CCDC124: variants seen among roughly 807,000 people sequenced by gnomAD.
CCDC124 encodes the protein coiled-coil domain containing 124.
A neutral mutation model predicts 19.8 loss-of-function variants in CCDC124; 9 were observed. The observed-to-expected ratio is 0.45, with a 90% CI of 0.27 to 0.79. CCDC124 has a LOEUF of 0.79. Among genes scored for constraint, CCDC124 ranks in the 30% least tolerant of loss-of-function variants. CCDC124 has a pLI of 0.14. For missense variants in CCDC124, 285 were observed against 319.0 expected, an observed-to-expected ratio of 0.89 and a Z score of 0.81; for synonymous variants, 126 against 131.3, an observed-to-expected ratio of 0.96 and a Z score of 0.27.
chr19:17,943,789 G>A lies in CCDC124; in HGVS notation c.*74G>A. On this transcript the variant is annotated 3_prime_UTR_variant, in exon 5 of 5. Transcript: ENST00000445755. ...CTCTGCACGCCCTTAGGCCAGGTCAGCTGCGAGGGTCACAGAGCGTTCCGG... is the reference window on the plus strand; with the variant it reads ...CTCTGCACGCCCTTAGGCCAGGTCAACTGCGAGGGTCACAGAGCGTTCCGG... 1 of 1,462,680 alleles carries A rather than the reference G, an allele frequency of 6.8e-7. No homozygotes were observed. The highest frequency in any genetic ancestry group is 1.2e-5 in the South Asian group (1 of 84,232). The allele number at this position is 1,462,680 out of a possible 1,614,324, so 90.6% of individuals were successfully genotyped here. A position where few individuals can be genotyped will look rare whatever the true frequency, so the allele number is the denominator to read the frequency against.
At chr19:17,934,058 T>C (rs950035897) in intron 1 of CCDC124, among the ~76,000 whole-genome samples, 1 of 149,020 alleles carries the variant, frequency 6.7e-6, no homozygotes, top group Non-Finnish European at 1.5e-5. Flanking sequence ...GCACTGTGGC[T>C]CACACCTGTA....
In CCDC124 at chr19:17,943,241, TCA is replaced by T; in HGVS notation, c.350-18_350-17del. 1 of 736,678 alleles carries T rather than the reference TCA, an allele frequency of 1.4e-6. No homozygotes were observed. Among genetic ancestry groups the T allele is most frequent in the Non-Finnish European group, 2.4e-6 (1 of 414,970 alleles). The allele number at this position is 736,678 out of a possible 1,614,324, so 45.6% of individuals were successfully genotyped here. A position where few individuals can be genotyped will look rare whatever the true frequency, so the allele number is the denominator to read the frequency against. ...CTTTGCTTATCTCTCTCTGTCTCTG[TCA>T]CCCACCCACCCGCCCAGCCGAGAAA... On this transcript the variant is annotated intron_variant, in intron 3 of 4. Transcript: ENST00000445755.
At chr19:17,933,633 C>T (rs1200996473) in intron 1 of CCDC124, among the ~76,000 whole-genome samples, 1 of 152,146 alleles carries the variant, frequency 6.6e-6, no homozygotes, top group Non-Finnish European at 1.5e-5. Context: ...CACACCTTCC[C>T]ATCTCCCTGG....
Position 17,942,796 on chromosome 19 carries a change from C to A in CCDC124, c.300C>A (p.Ile100=), listed in dbSNP as rs540312451. The change falls in exon 3 of 5, where the codon ATC becomes ATA. Residue 100 remains isoleucine, a synonymous_variant. Coordinates refer to ENST00000445755, the MANE Select transcript of CCDC124 (RefSeq NM_001136203.2). The surrounding 1 kb of genome is among the most constrained non-coding windows in gnomAD (Gnocchi z 4.2). ...CCAGCAAGGTCACCCGGGCCCAGAT[C>A]GAGGACACGCTGCGCCGAGACCATC... ...ATSSKVTRAQ[I]EDTLRRDHQL... is the part of the protein sequence containing the mutation. The A allele has an allele frequency of 1.3e-6, 2 of 1,543,242 alleles. No homozygotes were observed. The highest frequency in any genetic ancestry group is 1.7e-6 in the Non-Finnish European group (2 of 1,144,674).
Position 17,943,243 on chromosome 19 carries a change from A to ATT in CCDC124, c.350-18_350-17insTT. ...TTGCTTATCTCTCTCTGTCTCTGTCACCCACCCACCCGCCCAGCCGAGAAA... is the reference window on the plus strand; with the variant it reads ...TTGCTTATCTCTCTCTGTCTCTGTCATTCCCACCCACCCGCCCAGCCGAGAAA... On this transcript the variant is annotated splice_polypyrimidine_tract_variant and intron_variant, in intron 3 of 4. Transcript: ENST00000445755. 2 of 430,552 alleles carry ATT rather than the reference A, an allele frequency of 4.6e-6. No homozygotes were observed. The allele number at this position is 430,552 out of a possible 1,614,324, so 26.7% of individuals were successfully genotyped here.
intron 2 of CCDC124, among the ~76,000 whole-genome samples, chr19:17,941,899 G>A (rs1461061719): frequency 6.6e-6 from 1 of 152,176 alleles, no homozygotes; most frequent in African/African-American, 2.4e-5. Context: ...AGGCAGGGGT[G>A]TCCGAGACCA....
Position 17,936,504 on chromosome 19 carries a change from CAAGA to C in CCDC124, c.86_89del (p.Lys29SerfsTer18), listed in dbSNP as rs1356439444. 1.9e-6 allele frequency: 3 copies of C among 1,613,244 alleles called. No homozygotes were observed. Among genetic ancestry groups the C allele is most frequent in the Non-Finnish European group, 2.5e-6 (3 of 1,179,778 alleles). On this transcript the variant is annotated frameshift_variant, in exon 2 of 5. Coordinates refer to ENST00000445755, the MANE Select transcript of CCDC124 (RefSeq NM_001136203.2). LOFTEE classifies it high-confidence loss of function. ...CAGAGGCCAAGGCGGCCGCTGATGC[CAAGA>C]AGCAGAAGGAGCTGGAGGATGCCTA...
intron 1 of CCDC124, among the ~76,000 whole-genome samples, chr19:17,934,351 A>G (rs1461136027): frequency 1.3e-5 from 2 of 152,116 alleles, no homozygotes; most frequent in East Asian, 3.9e-4. Context: ...GTGCCACTGC[A>G]TTCCAGCCTG....
chr19:17,936,703 A>AG, intron 2 of CCDC124, 124 bp downstream of exon 2: 1 of 1,268,830 alleles, frequency 7.9e-7, no homozygotes, highest in Non-Finnish European at 1.1e-6. Flanking sequence ...AGGAGGGACC[A>AG]GGCGCTGTCG....
chr19:17,940,972 G>T (rs538952427), intron 2 of CCDC124, among the ~76,000 whole-genome samples: 61 of 151,646 alleles, frequency 4.0e-4, no homozygotes, highest in African/African-American at 1.0e-3. Flanking sequence ...GCATGAACCC[G>T]GGAGGAGGAG....
intron 1 of CCDC124, 79 bp from the exon 2 acceptor site, chr19:17,936,330 GC>G: frequency 8.1e-7 from 1 of 1,236,464 alleles, no homozygotes; most frequent in Non-Finnish European, 1.1e-6. Context: ...GGTCATGGCT[GC>G]CCAAGTGTGA....
intron 2 of CCDC124, chr19:17,936,987 A>G (rs1210054074): frequency 6.5e-6 from 1 of 152,688 alleles, no homozygotes; most frequent in African/African-American, 2.5e-5. Flanking sequence ...AAAAAAAAAA[A>G]AAAAAAAAAG....
In CCDC124 at chr19:17,936,579, G is replaced by A. The variant is rs775617992; in HGVS notation, c.159G>A (p.Lys53=). The change falls in exon 2 of 5, where the codon AAG becomes AAA. Residue 53 remains lysine, a splice_region_variant and synonymous_variant. Coordinates refer to ENST00000445755, the MANE Select transcript of CCDC124 (RefSeq NM_001136203.2). The part of the protein sequence containing the change: ...DKHVMRKEQR[K]EEKEKRRLDQ... The stretch of plus-strand genomic sequence containing the variant: ...ACGTCATGAGGAAGGAGCAGCGCAA[G>A]GTGCGTGCACTCCGAGTCCCCGCGG... 2 of 1,611,892 alleles carry A rather than the reference G, an allele frequency of 1.2e-6. No homozygotes were observed. The highest frequency in any genetic ancestry group is 2.7e-5 in the African/African-American group (2 of 74,938).
Position 17,942,680 on chromosome 19 carries a change from G to A in CCDC124, c.184G>A (p.Asp62Asn), listed in dbSNP as rs751191431. Residue 62 changes from aspartate (D) to asparagine (N), a missense_variant, in exon 3 of 5, where the codon GAC (aspartate) becomes AAC (asparagine). Asp to Asn is a conservative substitution (Grantham distance 23). Coordinates refer to ENST00000445755, the MANE Select transcript of CCDC124 (RefSeq NM_001136203.2). The surrounding 1 kb of genome is among the most constrained non-coding windows in gnomAD (Gnocchi z 4.2). Reference protein sequence around the residue: ...RKEEKEKRRLDQLERKKETQR... With the variant: ...RKEEKEKRRLNQLERKKETQR... Reference sequence around the variant, plus strand: ...GGAGGAGAAGGAGAAGCGGCGCCTCGACCAGCTGGAACGTAAGAAGGAGAC... The same window carrying A: ...GGAGGAGAAGGAGAAGCGGCGCCTCAACCAGCTGGAACGTAAGAAGGAGAC... 2 of 1,556,142 alleles carry A rather than the reference G, an allele frequency of 1.3e-6. No individual in the cohort carries two copies. Among genetic ancestry groups the A allele is most frequent in the South Asian group, 2.4e-5 (2 of 84,446 alleles).
chr19:17,934,499 C>G (rs1018269545), intron 1 of CCDC124, among the ~76,000 whole-genome samples: 2 of 151,514 alleles, frequency 1.3e-5, no homozygotes, highest in African/African-American at 4.8e-5. Context: ...TAAAAAGGAA[C>G]GAAGGGCCAG....
intron 2 of CCDC124, among the ~76,000 whole-genome samples, chr19:17,941,634 A>C (rs149024098): frequency 8.5e-5 from 13 of 152,088 alleles, no homozygotes; most frequent in African/African-American, 3.1e-4. Context: ...CAGCAATGGG[A>C]GCCCAGTTTG....
Position 17,936,448 on chromosome 19 carries a change from A to G in CCDC124, c.28A>G (p.Thr10Ala), listed in dbSNP as rs755729636. 4 of 1,613,348 alleles carry G rather than the reference A, an allele frequency of 2.5e-6. No homozygotes were observed. The highest frequency in any genetic ancestry group is 3.4e-6 in the Non-Finnish European group (4 of 1,179,874). Reference protein sequence around the residue: MPKKFQGENTKSAAARARRA... With the variant: MPKKFQGENAKSAAARARRA... ...GCCCAAGAAGTTCCAGGGTGAGAAC[A>G]CCAAGTCGGCAGCGGCCCGGGCACG... Residue 10 changes from threonine to alanine, a missense_variant, in exon 2 of 5, where the codon ACC becomes GCC. By Grantham distance (58) the Thr-to-Ala change is moderately conservative. Transcript: ENST00000445755.
At chr19:17,934,541 T>A (rs1194842600) in intron 1 of CCDC124, among the ~76,000 whole-genome samples, 1 of 151,510 alleles carries the variant, frequency 6.6e-6, no homozygotes, top group Non-Finnish European at 1.5e-5. Context: ...ATCCCAGCAC[T>A]TTGGAAGGCC....
Position 17,933,241 on chromosome 19 carries a change from C to T in CCDC124, c.-12+193C>T, listed in dbSNP as rs569962679. Among the ~76,000 whole-genome samples, 66 of 152,268 alleles carry T rather than the reference C, an allele frequency of 4.3e-4. No homozygotes were observed. The South Asian group carries it at 5.2e-3, about 12-fold the overall frequency. On this transcript the variant is annotated intron_variant, in intron 1 of 4. Transcript: ENST00000445755. ...ATTTCCAGACTAGACGATTGAAGCC[C>T]GACGCGACAGCATGTTCGAGGCCAC...
Sources: allele counts gnomAD v4.1 joint callset (sites outside exome capture counted in the v4.1 genomes callset), GRCh38; gene constraint gnomAD v4.1.1; non-coding constraint Gnocchi (gnomAD v3.1); transcripts MANE v1.5; gene names NCBI Gene and HGNC (gene_info 2026-07-23, HGNC 2026-07-21).